Variants in PPFIBP2 observed in about 807,000 individuals in gnomAD.
The protein encoded by PPFIBP2 is PPFIB scaffold protein 2.
A neutral mutation model predicts 118.3 loss-of-function variants in PPFIBP2; 118 were observed. The observed-to-expected ratio is 1.00, with a 90% CI of 0.86 to 1.16. The LOEUF is 1.16. Ranked by LOEUF, PPFIBP2 falls within the 50% of genes most tolerant of loss-of-function variation. The pLI, the probability that PPFIBP2 is intolerant of heterozygous loss-of-function variation, is 0.00. For synonymous variants in PPFIBP2, 414 were observed against 397.4 expected (o/e 1.04, Z -0.50); for missense variants, 1,195 against 1,073.1 (o/e 1.11, Z -1.59).
intron 2 of PPFIBP2, among the ~76,000 whole-genome samples, chr11:7,565,090 CT>C (rs1172388803): frequency 2.0e-5 from 3 of 152,230 alleles, no homozygotes; most frequent in Admixed American, 6.5e-5. Flanking sequence ...CTAGTGAGGA[CT>C]GGCTGTGCTT....
chr11:7,538,886 C>T (rs1200626027), intron 1 of PPFIBP2, among the ~76,000 whole-genome samples: 4 of 152,144 alleles, frequency 2.6e-5, no homozygotes, highest in African/African-American at 7.2e-5. Context: ...CTGGCCTGAG[C>T]TTAACTGACT....
intron 1 of PPFIBP2, among the ~76,000 whole-genome samples, chr11:7,521,190 A>C: frequency 6.6e-6 from 1 of 152,234 alleles, no homozygotes; most frequent in East Asian, 1.9e-4. Context: ...ATTTATGCAC[A>C]CTGAAAGCTG....
intron 3 of PPFIBP2, among the ~76,000 whole-genome samples, chr11:7,571,530 G>A (rs1855649229): frequency 1.3e-5 from 2 of 152,212 alleles, no homozygotes; most frequent in Non-Finnish European, 2.9e-5. Context: ...ACAAAAGATA[G>A]TCAGGATACG....
chr11:7,660,589 G>T (rs1250444189), downstream of PPFIBP2, among the ~76,000 whole-genome samples: 11 of 150,646 alleles, frequency 7.3e-5, no homozygotes, highest in East Asian at 2.1e-3. Context: ...GTTCATCAAG[G>T]ATATTGGTCT....
At chr11:7,549,963 T>C (rs1283141800) in intron 2 of PPFIBP2, among the ~76,000 whole-genome samples, 1 of 152,232 alleles carries the variant, frequency 6.6e-6, no homozygotes, top group African/African-American at 2.4e-5. Flanking sequence ...GTTTCAGAGA[T>C]GAAAGGCAGT....
At chr11:7,583,969 C>G (rs187338777) in intron 3 of PPFIBP2, among the ~76,000 whole-genome samples, 7 of 152,324 alleles carry the variant, frequency 4.6e-5, no homozygotes, top group Non-Finnish European at 5.9e-5. Context: ...AATGGTGCCT[C>G]CACTGTAAAG....
intron 3 of PPFIBP2, chr11:7,573,769 C>G (rs1855931843): frequency 6.6e-6 from 1 of 152,250 alleles, no homozygotes; most frequent in Non-Finnish European, 1.5e-5. Flanking sequence ...TTACATCTGA[C>G]TTATGAGGAT....
intron 1 of PPFIBP2, among the ~76,000 whole-genome samples, chr11:7,544,126 TGAAG>T (rs1018245213): frequency 1.3e-5 from 2 of 151,878 alleles, no homozygotes; most frequent in Non-Finnish European, 2.9e-5. Context: ...GGCCTGTGAG[TGAAG>T]GAAGGATGAA....
At chr11:7,645,222 A>AG (rs1471637049) in intron 17 of PPFIBP2, among the ~76,000 whole-genome samples, 4 of 151,862 alleles carry the variant, frequency 2.6e-5, no homozygotes, top group Non-Finnish European at 4.4e-5. Context: ...GTTTGGGTTT[A>AG]GGGGGGTATG....
At chr11:7,566,456 A>G (rs1854995024) in intron 3 of PPFIBP2, among the ~76,000 whole-genome samples, 1 of 152,052 alleles carries the variant, frequency 6.6e-6, no homozygotes, top group Non-Finnish European at 1.5e-5. Flanking sequence ...TCCCAGGCTC[A>G]AGGGAATTCT....
At chr11:7,559,927 A>G (rs1483017127) in intron 2 of PPFIBP2, among the ~76,000 whole-genome samples, 1 of 152,202 alleles carries the variant, frequency 6.6e-6, no homozygotes, top group Non-Finnish European at 1.5e-5. Flanking sequence ...ATGTTAAAAA[A>G]TAAAATAAAA....
At chr11:7,549,947 C>T (rs964338430) in intron 2 of PPFIBP2, among the ~76,000 whole-genome samples, 1 of 152,174 alleles carries the variant, frequency 6.6e-6, no homozygotes, top group Non-Finnish European at 1.5e-5. Context: ...AGATGGTCTC[C>T]AGTGTGTTTC....
At position 7,597,859 on chromosome 11, in the gene PPFIBP2, G is replaced by T. The variant is rs112760352; in HGVS notation, c.486+186G>T. On this transcript the variant is annotated intron_variant, in intron 5 of 23. Transcript: ENST00000299492. ...AACCTGAACGTTGAGAGTGGCAGAG[G>T]GGGTAGGGAAGGGAAGGGCTGCCCT... 3.1e-4 allele frequency: 175 copies of T among 572,300 alleles called. 1 individual carries two copies. The highest frequency in any genetic ancestry group is 4.4e-4 in the Non-Finnish European group (142 of 319,472). The allele number at this position is 572,300 out of a possible 1,614,324, so 35.5% of individuals were successfully genotyped here.
chr11:7,665,095 T>G, the PPFIBP2 span: 1 of 261,988 alleles, frequency 3.8e-6, no homozygotes, highest in South Asian at 7.5e-5. Context: ...CCACACTTCA[T>G]GGGCTGTCTG....
chr11:7,561,363 G>A (rs771303052), intron 2 of PPFIBP2, among the ~76,000 whole-genome samples: 5 of 152,208 alleles, frequency 3.3e-5, no homozygotes, highest in Non-Finnish European at 7.3e-5. Flanking sequence ...ACCATGCCTG[G>A]CCTACAAGTA....
chr11:7,610,451 T>A, intron 6 of PPFIBP2, 29 bp downstream of exon 6: 3 of 1,605,158 alleles, frequency 1.9e-6, no homozygotes, highest in Non-Finnish European at 2.6e-6. Flanking sequence ...TGTCCTAAGC[T>A]CAGACCTGGG....
chr11:7,654,167 C>T (rs1854468806), downstream of PPFIBP2, among the ~76,000 whole-genome samples: 4 of 152,246 alleles, frequency 2.6e-5, no homozygotes, highest in South Asian at 6.2e-4. Context: ...CTATTACTGA[C>T]TTAGCTAGGC....
chr11:7,598,420 G>A (rs1426757383), intron 5 of PPFIBP2: 2 of 153,166 alleles, frequency 1.3e-5, no homozygotes, highest in Admixed American at 6.5e-5. Flanking sequence ...TATAAATAAT[G>A]AGCTACAATT....
intron 1 of PPFIBP2, among the ~76,000 whole-genome samples, chr11:7,537,390 T>C (rs1167459403): frequency 6.6e-6 from 1 of 152,196 alleles, no homozygotes; most frequent in Non-Finnish European, 1.5e-5. Flanking sequence ...ACCTGTGAAC[T>C]CCCAGAGCAG....
Sources: allele counts gnomAD v4.1 joint callset (sites outside exome capture counted in the v4.1 genomes callset), GRCh38; gene constraint gnomAD v4.1.1; transcripts MANE v1.5; gene names NCBI Gene and HGNC (gene_info 2026-07-23, HGNC 2026-07-21).